The following NAALADL2 variants were observed in gnomAD, a reference collection of about 807,000 sequenced individuals.
The protein encoded by NAALADL2 is inactive N-acetylated-alpha-linked acidic dipeptidase-like protein 2.
Under a neutral mutation model 87.2 loss-of-function variants are expected in NAALADL2, and 76 were observed. The observed-to-expected ratio is 0.87, with a 90% CI of 0.72 to 1.05. NAALADL2 has a LOEUF of 1.05. NAALADL2 is among the 50% of genes least tolerant of loss of function. NAALADL2 has a pLI of 0.00. For synonymous variants in NAALADL2, 354 were observed against 331.0 expected, an observed-to-expected ratio of 1.07 and a Z score of -0.75; for missense variants, 1,089 against 945.8, an observed-to-expected ratio of 1.15 and a Z score of -1.99.
chr3:175,423,782 G>C (rs1325296776), intron 5 of NAALADL2, among the ~76,000 whole-genome samples: 1 of 152,160 alleles, frequency 6.6e-6, no homozygotes, highest in African/African-American at 2.4e-5. Context: ...TATACACCCA[G>C]TAATGGGATT....
At chr3:174,708,940 T>G (rs1386776631) in intron 2 of NAALADL2, among the ~76,000 whole-genome samples, 1 of 152,146 alleles carries the variant, frequency 6.6e-6, no homozygotes, top group East Asian at 1.9e-4. Flanking sequence ...ATCAGATCTT[T>G]TGGAATATTT....
At chr3:174,615,801 G>C (rs1170044891) in intron 2 of NAALADL2, among the ~76,000 whole-genome samples, 1 of 152,070 alleles carries the variant, frequency 6.6e-6, no homozygotes, top group East Asian at 1.9e-4. Flanking sequence ...TAAAGTGAGA[G>C]AAATACATAA....
At chr3:175,208,414 T>C (rs1167010586) in intron 2 of NAALADL2, among the ~76,000 whole-genome samples, 1 of 152,154 alleles carries the variant, frequency 6.6e-6, no homozygotes, top group Non-Finnish European at 1.5e-5. Flanking sequence ...CTCTTGACTT[T>C]ATATGTGCTT....
chr3:175,550,043 A>G (rs1196795634), intron 9 of NAALADL2, among the ~76,000 whole-genome samples: 1 of 152,068 alleles, frequency 6.6e-6, no homozygotes, highest in Non-Finnish European at 1.5e-5. Flanking sequence ...GACAAAGAAA[A>G]AAGGGGTTTA....
At chr3:175,707,860 G>A (rs1230849719) in intron 11 of NAALADL2, among the ~76,000 whole-genome samples, 1 of 151,994 alleles carries the variant, frequency 6.6e-6, no homozygotes, top group Non-Finnish European at 1.5e-5. Context: ...TAATTAATAT[G>A]ATAGAAGCGC....
intron 9 of NAALADL2, among the ~76,000 whole-genome samples, chr3:175,548,552 A>G (rs1713784145): frequency 6.6e-6 from 1 of 151,968 alleles, no homozygotes; most frequent in Non-Finnish European, 1.5e-5. Flanking sequence ...TGAACTTAAA[A>G]TAAAAGTTAG....
At chr3:174,927,029 GA>G (rs552773959) in intron 1 of NAALADL2, among the ~76,000 whole-genome samples, 1,047 of 99,074 alleles carry the variant, frequency 0.011, 8 homozygotes, top group African/African-American at 0.023. Context: ...AGCAAATGAA[GA>G]AAAAAAAAAA....
At chr3:175,397,581 A>G (rs1488084763) in intron 5 of NAALADL2, among the ~76,000 whole-genome samples, 1 of 152,168 alleles carries the variant, frequency 6.6e-6, no homozygotes, top group Admixed American at 6.5e-5. Flanking sequence ...TCTTGTTGAA[A>G]GCAGGTTCAG....
intron 13 of NAALADL2, among the ~76,000 whole-genome samples, chr3:175,792,316 G>A (rs1365040457): frequency 6.6e-6 from 1 of 152,036 alleles, no homozygotes; most frequent in African/African-American, 2.4e-5. Context: ...TAAATGTGAT[G>A]TTTCTAGTTT....
intron 9 of NAALADL2, among the ~76,000 whole-genome samples, chr3:175,501,013 A>G (rs1412735404): frequency 6.6e-6 from 1 of 152,146 alleles, no homozygotes; most frequent in Non-Finnish European, 1.5e-5. Context: ...AAGTTTTACA[A>G]GTGGGTGGCT....
chr3:175,606,894 T>G (rs1210508426), intron 10 of NAALADL2, among the ~76,000 whole-genome samples: 2 of 152,180 alleles, frequency 1.3e-5, no homozygotes, highest in East Asian at 3.9e-4. Flanking sequence ...CTGTGGTAAT[T>G]TTGCTGGATC....
chr3:174,672,674 T>C (rs146840229), intron 2 of NAALADL2, among the ~76,000 whole-genome samples: 19 of 152,160 alleles, frequency 1.2e-4, no homozygotes, highest in African/African-American at 4.6e-4. Context: ...CTAAGGGAAG[T>C]GATTTTTGAA....
chr3:175,132,036 A>G (rs374266247), intron 2 of NAALADL2, among the ~76,000 whole-genome samples: 31,750 of 65,968 alleles, frequency 0.48, 8,317 homozygotes, highest in African/African-American at 0.63. Flanking sequence ...GCGGCTGGCC[A>G]GGCAGAGGGG....
chr3:175,785,902 G>A (rs1751874224), intron 13 of NAALADL2, among the ~76,000 whole-genome samples: 2 of 149,378 alleles, frequency 1.3e-5, no homozygotes, highest in Non-Finnish European at 3.0e-5. Context: ...CAGGCCTGGT[G>A]GTGACAAAAT....
intron 2 of NAALADL2, among the ~76,000 whole-genome samples, chr3:174,720,413 G>A (rs1369018999): frequency 6.6e-6 from 1 of 151,978 alleles, no homozygotes; most frequent in African/African-American, 2.4e-5. Context: ...GGATAAATCA[G>A]TCATATGTAC....
chr3:175,288,325 A>G (rs1012218622), intron 4 of NAALADL2, among the ~76,000 whole-genome samples: 1 of 152,172 alleles, frequency 6.6e-6, no homozygotes, highest in African/African-American at 2.4e-5. Flanking sequence ...CACATTAATG[A>G]GAACAATATG....
chr3:175,444,341 A>G (rs115842972), intron 5 of NAALADL2, among the ~76,000 whole-genome samples: 94 of 152,350 alleles, frequency 6.2e-4, no homozygotes, highest in African/African-American at 2.1e-3. Flanking sequence ...TGGCTATCCC[A>G]GCGTTTGTAC....
In NAALADL2 at chr3:175,318,772, C is replaced by G. The variant is rs182963988; in HGVS notation, c.940-5403C>G. On this transcript the variant is annotated intron_variant, in intron 4 of 13. Coordinates refer to ENST00000454872, the MANE Select transcript of NAALADL2 (RefSeq NM_207015.3). The stretch of plus-strand genomic sequence containing the variant: ...TCCATCTCCCTCAAAATCCCCTCCT[C>G]ACCTTTGTAATTAAACTACTCTCCC... Among the ~76,000 whole-genome samples the G allele has an allele frequency of 4.7e-3, 723 of 152,290 alleles. 2 individuals carry two copies. The highest frequency in any genetic ancestry group is 7.0e-3 in the Non-Finnish European group (476 of 68,020).
intron 1 of NAALADL2, among the ~76,000 whole-genome samples, chr3:174,974,821 GC>G (rs1208344366): frequency 4.6e-5 from 7 of 151,986 alleles, no homozygotes; most frequent in Non-Finnish European, 1.0e-4. Context: ...GGAGAGAGAG[GC>G]AAAATATTGG....
Sources: gnomAD v4.1 joint callset for allele counts (sites outside exome capture counted in the v4.1 genomes callset) on GRCh38, gnomAD v4.1.1 for gene constraint, MANE v1.5 for transcripts, NCBI Gene and HGNC (gene_info 2026-07-23, HGNC 2026-07-21) for gene names.